ARPC1B: variants seen among roughly 807,000 people sequenced by gnomAD.
ARPC1B encodes actin related protein 2/3 complex subunit 1B.
A neutral mutation model predicts 46.0 loss-of-function variants in ARPC1B; 29 were observed. The observed-to-expected ratio is 0.63, with a 90% CI of 0.47 to 0.86. The LOEUF is 0.86. Ranked by LOEUF, ARPC1B falls within the 40% of genes least tolerant of loss-of-function variation. The pLI is 0.00. For missense variants in ARPC1B, 469 were observed against 529.4 expected (o/e 0.89, Z 1.12); for synonymous variants, 201 against 213.9 (o/e 0.94, Z 0.53).
At chr7:99,386,878 A>C in intron 3 of ARPC1B, 89 bp downstream of exon 3, 1 of 955,674 alleles carries the variant, frequency 1.0e-6, no homozygotes, top group African/African-American at 1.6e-5. Context: ...CTCATTGTGG[A>C]GCATCTGCCC....
chr7:99,381,806 C>G (rs1794233250), intron 1 of ARPC1B, among the ~76,000 whole-genome samples: 1 of 152,242 alleles, frequency 6.6e-6, no homozygotes, highest in Non-Finnish European at 1.5e-5. Flanking sequence ...AGGCAAAGGT[C>G]GTTCTGCCTT....
intron 8 of ARPC1B, among the ~76,000 whole-genome samples, 170 bp from the exon 9 acceptor site, chr7:99,393,859 C>T (rs552378768): frequency 6.6e-6 from 1 of 152,316 alleles, no homozygotes; most frequent in East Asian, 1.9e-4. Flanking sequence ...GCCTGCACCT[C>T]GCATGCCACT....
At chr7:99,386,588 A>C in intron 2 of ARPC1B, 97 bp from the exon 3 acceptor site, 1 of 969,030 alleles carries the variant, frequency 1.0e-6, no homozygotes, top group South Asian at 1.3e-5. Flanking sequence ...TGAGTCATGA[A>C]AGGTGAGGTG....
intron 8 of ARPC1B, 92 bp downstream of exon 8, chr7:99,392,968 G>A: frequency 7.7e-7 from 1 of 1,305,472 alleles, no homozygotes; most frequent in Non-Finnish European, 1.0e-6. Context: ...TCTTCCTCCT[G>A]GGGCATTGTG....
chr7:99,387,991 T>C (rs750839529), intron 3 of ARPC1B, 48 bp from the exon 4 acceptor site: 2 of 1,327,980 alleles, frequency 1.5e-6, no homozygotes, highest in Non-Finnish European at 2.1e-6. Flanking sequence ...TACAGCCACC[T>C]CTGCCTGAGT....
intron 1 of ARPC1B, chr7:99,376,539 T>C (rs1408689003): frequency 6.6e-6 from 1 of 152,200 alleles, no homozygotes. Context: ...TCGTTGCTTT[T>C]GTCTGAGCCT....
intron 1 of ARPC1B, among the ~76,000 whole-genome samples, chr7:99,381,819 C>A (rs1453232878): frequency 6.6e-6 from 1 of 152,230 alleles, no homozygotes; most frequent in South Asian, 2.1e-4. Context: ...TCTGCCTTTC[C>A]CTTGTGCCTG....
intron 5 of ARPC1B, 161 bp from the exon 6 acceptor site, chr7:99,390,732 C>G: frequency 1.7e-6 from 1 of 599,880 alleles, no homozygotes; most frequent in African/African-American, 1.9e-5. Flanking sequence ...CAGTCTCACT[C>G]TGTTGCCCAA....
intron 1 of ARPC1B, among the ~76,000 whole-genome samples, chr7:99,383,708 TG>T (rs1334789262): frequency 1.3e-5 from 2 of 152,150 alleles, no homozygotes; most frequent in African/African-American, 4.8e-5. Context: ...TGCCGGTATC[TG>T]GGGGAAGAGT....
intron 1 of ARPC1B, among the ~76,000 whole-genome samples, chr7:99,378,419 A>G (rs191120215): frequency 9.9e-4 from 150 of 151,568 alleles, no homozygotes; most frequent in African/African-American, 3.5e-3. Context: ...GGTGGCTCAC[A>G]CCTGTAATCC....
chr7:99,375,717 G>T (rs1794016495), intron 1 of ARPC1B, among the ~76,000 whole-genome samples: 1 of 152,220 alleles, frequency 6.6e-6, no homozygotes, highest in African/African-American at 2.4e-5. Context: ...GAGGCCAGGA[G>T]TTGGAGGCCA....
intron 2 of ARPC1B, 46 bp from the exon 3 acceptor site, chr7:99,386,639 G>T (rs112323861): frequency 2.2e-6 from 3 of 1,386,710 alleles, no homozygotes; most frequent in Non-Finnish European, 2.1e-6. Flanking sequence ...CTGGCAGAGG[G>T]CAGTCATGGA....
Position 99,389,648 on chromosome 7 carries a change from T to G in ARPC1B, c.393-257T>G. 3 of 440,442 alleles carry G rather than the reference T, an allele frequency of 6.8e-6. No homozygotes were observed. The South Asian group carries it at 8.0e-5, about 12-fold the overall frequency. The allele number at this position is 440,442 out of a possible 1,614,324, so 27.3% of individuals were successfully genotyped here. On this transcript the variant is annotated intron_variant, in intron 4 of 9. Transcript: ENST00000646101. ...GTGTGACCTCTGGTGATGGCATCAC[T>G]TTGCTGAGCCTGCTCTGAGGGTGAC...
chr7:99,394,526 G>A lies in ARPC1B; in HGVS notation c.*37G>A, dbSNP rs1276277376. On this transcript the variant is annotated 3_prime_UTR_variant, in exon 10 of 10. Transcript: ENST00000646101. ...TATGTTGCCTTCATCCTAGCTGCTG[G>A]GGAAGCGGGGAGAGGGGTCAGGGAG... 6.2e-7 allele frequency: 1 copy of A among 1,613,898 alleles called. No individual in the cohort carries two copies. The highest frequency in any genetic ancestry group is 1.1e-5 in the South Asian group (1 of 91,078).
chr7:99,394,076 GCA>G lies in ARPC1B; in HGVS notation c.1039_1040del (p.Thr347HisfsTer110), dbSNP rs758602535. Reference sequence around the variant, plus strand: ...GGCAAGGCCAAGTGCTCGCAGTTCTGCACCACTGGCATGGATGGCGGCATGAG... The same window carrying G: ...GGCAAGGCCAAGTGCTCGCAGTTCTGCCACTGGCATGGATGGCGGCATGAG... On this transcript the variant is annotated frameshift_variant, in exon 9 of 10. Coordinates refer to ENST00000646101, the MANE Select transcript of ARPC1B (RefSeq NM_005720.4). LOFTEE classifies it high-confidence loss of function. 1 of 1,613,636 alleles carries G rather than the reference GCA, an allele frequency of 6.2e-7. No individual in the cohort carries two copies. Among genetic ancestry groups the G allele is most frequent in the South Asian group, 1.1e-5 (1 of 91,086 alleles).
At position 99,388,208 on chromosome 7, in the gene ARPC1B, G is replaced by A. The variant is rs145592588; in HGVS notation, c.339G>A (p.Val113=). Reference sequence around the variant, plus strand: ...CCCCCAACGAGAACAAGTTTGCTGTGGGCAGCGGCTCTCGTGTGATCTCCA... The same window carrying A: ...CCCCCAACGAGAACAAGTTTGCTGTAGGCAGCGGCTCTCGTGTGATCTCCA... The part of the protein sequence containing the change: ...RWAPNENKFA[V]GSGSRVISIC... Residue 113 remains valine, a synonymous_variant, in exon 4 of 10, where the codon GTG becomes GTA. Transcript: ENST00000646101. 2.5e-4 allele frequency: 396 copies of A among 1,614,250 alleles called. 1 individual carries two copies. In the African/African-American group the frequency reaches 4.7e-3, roughly 19 times the overall value.
rs916272842 is a variant in ARPC1B, at chr7:99,386,845, T to G, written c.169+56T>G. Reference sequence around the variant, plus strand: ...GAAAGGAGGTGGTGGGTTGGGGGGGTGGTGCAAGGCAGGGCATGGCCACTC... The same window carrying G: ...GAAAGGAGGTGGTGGGTTGGGGGGGGGGTGCAAGGCAGGGCATGGCCACTC... On this transcript the variant is annotated intron_variant, in intron 3 of 9. Transcript: ENST00000646101. 46 of 1,389,442 alleles carry G rather than the reference T, an allele frequency of 3.3e-5. No homozygotes were observed. The Middle Eastern group carries it at 6.7e-4, about 20-fold the overall frequency. 86.1% of individuals were successfully genotyped at this position (1,389,442 alleles called of 1,614,324 possible).
At position 99,394,702 on chromosome 7, in the gene ARPC1B, A is replaced by AC; in HGVS notation, c.*213_*214insC. 7.5e-7 allele frequency: 1 copy of AC among 1,336,734 alleles called. No homozygotes were observed. Among genetic ancestry groups the AC allele is most frequent in the South Asian group, 2.2e-5 (1 of 46,284 alleles). The allele number at this position is 1,336,734 out of a possible 1,614,324, so 82.8% of individuals were successfully genotyped here. On this transcript the variant is annotated 3_prime_UTR_variant, in exon 10 of 10. Transcript: ENST00000646101. ...TCTTAAATGCTTTCATTTATTGAAA[A>AC]AAAAAAAAAATGCCCCCAAAGCACT... is the stretch of plus-strand genomic sequence containing the variant.
chr7:99,384,875 T>C (rs1794333600), intron 1 of ARPC1B, among the ~76,000 whole-genome samples: 1 of 150,568 alleles, frequency 6.6e-6, no homozygotes, highest in African/African-American at 2.4e-5. Context: ...TTTTTTTTTT[T>C]TTTCTGAGAT....
Sources: gnomAD v4.1 joint callset for allele counts (sites outside exome capture counted in the v4.1 genomes callset) on GRCh38, gnomAD v4.1.1 for gene constraint, MANE v1.5 for transcripts, NCBI Gene and HGNC (gene_info 2026-07-23, HGNC 2026-07-21) for gene names.